The following PAPPA variants were observed in gnomAD, a reference collection of about 807,000 sequenced individuals.
PAPPA encodes pappalysin-1.
A neutral mutation model predicts 164.0 loss-of-function variants in PAPPA; 60 were observed. The observed-to-expected ratio is 0.37, with a 90% CI of 0.30 to 0.45. PAPPA has a LOEUF of 0.45. Among genes scored for constraint, PAPPA ranks in the 20% least tolerant of loss-of-function variants. The pLI, the probability that PAPPA is intolerant of heterozygous loss-of-function variation, is 1.00. For missense variants in PAPPA, 1,782 were observed against 2,087.3 expected, an observed-to-expected ratio of 0.85 and a Z score of 2.85; for synonymous variants, 875 against 814.1, an observed-to-expected ratio of 1.07 and a Z score of -1.27.
chr9:116,376,156 G>T (rs1481622040), intron 19 of PAPPA, among the ~76,000 whole-genome samples: 1 of 151,974 alleles, frequency 6.6e-6, no homozygotes, highest in African/African-American at 2.4e-5. Context: ...AAGTAGCTGG[G>T]ACTACAGGCA....
chr9:116,221,837 C>T, intron 5 of PAPPA, among the ~76,000 whole-genome samples: 1 of 152,208 alleles, frequency 6.6e-6, no homozygotes, highest in East Asian at 1.9e-4. Context: ...CACTTCAAGA[C>T]ACACAAATGG....
At chr9:116,381,502 A>G (rs1215465894) in intron 20 of PAPPA, among the ~76,000 whole-genome samples, 2 of 152,226 alleles carry the variant, frequency 1.3e-5, no homozygotes, top group Non-Finnish European at 2.9e-5. Flanking sequence ...GGGGAATCCA[A>G]GAGACTCCTG....
intron 13 of PAPPA, among the ~76,000 whole-genome samples, chr9:116,337,688 CCTCT>C (rs150843649): frequency 2.0e-5 from 3 of 150,454 alleles, no homozygotes; most frequent in Admixed American, 2.0e-4. Context: ...CTCTCCATCT[CCTCT>C]CTCTCTCTCT....
chr9:116,249,332 C>T (rs1296943282), intron 7 of PAPPA, among the ~76,000 whole-genome samples: 2 of 152,170 alleles, frequency 1.3e-5, no homozygotes, highest in Non-Finnish European at 2.9e-5. Context: ...AGACTGCTTG[C>T]TCAGGGTGGT....
At chr9:116,291,051 A>G (rs915342918) in intron 9 of PAPPA, among the ~76,000 whole-genome samples, 1 of 152,180 alleles carries the variant, frequency 6.6e-6, no homozygotes, top group Admixed American at 6.6e-5. Flanking sequence ...GAACTGGCTG[A>G]AAGTCATTTA....
intron 2 of PAPPA, among the ~76,000 whole-genome samples, chr9:116,204,818 C>T (rs552308329): frequency 6.6e-5 from 10 of 152,284 alleles, no homozygotes; most frequent in Admixed American, 5.9e-4. Context: ...CCTTCTCTCA[C>T]CTTCACTATC....
chr9:116,210,825 G>A (rs1459416169), intron 3 of PAPPA, among the ~76,000 whole-genome samples: 3 of 152,110 alleles, frequency 2.0e-5, no homozygotes, highest in African/African-American at 7.2e-5. Flanking sequence ...TTTCTACTAA[G>A]CTCTCAGGTG....
chr9:116,397,531 CCAAA>C lies in PAPPA; in HGVS notation c.*918_*921del, dbSNP rs1279012639. ...CTAGGTTAGGAAAAATTCCACACAACCAAACAGTCTGCCTTAAAAGTGACCCACA... is the reference window on the plus strand; with the variant it reads ...CTAGGTTAGGAAAAATTCCACACAACCAGTCTGCCTTAAAAGTGACCCACA... On this transcript the variant is annotated 3_prime_UTR_variant, in exon 22 of 22. Coordinates refer to ENST00000328252, the MANE Select transcript of PAPPA (RefSeq NM_002581.5). 2.0e-5 allele frequency: 3 copies of C among 152,630 alleles called. No individual in the cohort carries two copies. Among genetic ancestry groups the C allele is most frequent in the South Asian group, 2.1e-4 (1 of 4,822 alleles). The allele number at this position is 152,630 out of a possible 1,614,324, so 9.5% of individuals were successfully genotyped here. A position where few individuals can be genotyped will look rare whatever the true frequency, so the allele number is the denominator to read the frequency against.
intron 2 of PAPPA, among the ~76,000 whole-genome samples, chr9:116,204,361 G>T (rs1844206562): frequency 6.6e-6 from 1 of 152,154 alleles, no homozygotes; most frequent in African/African-American, 2.4e-5. Flanking sequence ...GTCCAACTCT[G>T]CGTGAGTCTG....
At chr9:116,189,978 G>A (rs1315169959) in intron 2 of PAPPA, among the ~76,000 whole-genome samples, 1 of 152,214 alleles carries the variant, frequency 6.6e-6, no homozygotes, top group African/African-American at 2.4e-5. Flanking sequence ...TCCAAGACAT[G>A]AGCAGCCCAT....
chr9:116,323,220 A>C lies in PAPPA; in HGVS notation c.3148-8024A>C, dbSNP rs4837997. ...AAGCAGTCTTCTGCAAAGGAGGGGG[A>C]TTTGGAGGCGGGTGCTGGATGTAGC... On this transcript the variant is annotated intron_variant, in intron 10 of 21. Coordinates refer to ENST00000328252, the MANE Select transcript of PAPPA (RefSeq NM_002581.5). Among the ~76,000 whole-genome samples the C allele has an allele frequency of 0.023, 3,424 of 152,112 alleles. 209 individuals carry two copies. The East Asian group carries it at 0.26, about 12-fold the overall frequency.
chr9:116,185,242 C>T (rs1408607300), intron 1 of PAPPA, among the ~76,000 whole-genome samples: 1 of 152,154 alleles, frequency 6.6e-6, no homozygotes, highest in Non-Finnish European at 1.5e-5. Flanking sequence ...CTAAGGTTGT[C>T]CTGATGGTAA....
At chr9:116,220,311 A>G (rs549034696) in intron 5 of PAPPA, among the ~76,000 whole-genome samples, 182 bp downstream of exon 5, 11 of 152,298 alleles carry the variant, frequency 7.2e-5, no homozygotes, top group Admixed American at 2.6e-4. Flanking sequence ...GGTCATTAAT[A>G]GAAACAAATA....
intron 4 of PAPPA, among the ~76,000 whole-genome samples, chr9:116,216,692 G>A (rs1304166606): frequency 6.6e-6 from 1 of 152,106 alleles, no homozygotes. Flanking sequence ...TTTGATAGCT[G>A]CTAAGTCTCC....
intron 21 of PAPPA, among the ~76,000 whole-genome samples, chr9:116,385,709 T>C (rs1846800987): frequency 6.6e-6 from 1 of 152,252 alleles, no homozygotes; most frequent in Non-Finnish European, 1.5e-5. Flanking sequence ...CTTCTTCCAC[T>C]TTAAATTCTT....
At chr9:116,252,528 T>A (rs1587972738) in intron 7 of PAPPA, among the ~76,000 whole-genome samples, 1 of 152,138 alleles carries the variant, frequency 6.6e-6, no homozygotes, top group Admixed American at 6.6e-5. Flanking sequence ...AGTAGCTGGG[T>A]CCAGAAAGAG....
At chr9:116,172,671 G>A (rs760630128) in intron 1 of PAPPA, among the ~76,000 whole-genome samples, 5 of 152,030 alleles carry the variant, frequency 3.3e-5, no homozygotes, top group Non-Finnish European at 7.4e-5. Context: ...CAGTGTTCTT[G>A]GCCTCCTCCT....
chr9:116,375,226 A>T (rs1287472940), intron 19 of PAPPA, among the ~76,000 whole-genome samples: 1 of 152,228 alleles, frequency 6.6e-6, no homozygotes, highest in African/African-American at 2.4e-5. Context: ...ATATCCCATG[A>T]CTTTTCCCAT....
chr9:116,390,680 A>G (rs1846878393), intron 21 of PAPPA, among the ~76,000 whole-genome samples: 1 of 139,378 alleles, frequency 7.2e-6, no homozygotes, highest in South Asian at 2.2e-4. Context: ...GAATGTTATT[A>G]AACCCTCTGC....
Sources: allele counts gnomAD v4.1 joint callset (sites outside exome capture counted in the v4.1 genomes callset), GRCh38; gene constraint gnomAD v4.1.1; transcripts MANE v1.5; gene names NCBI Gene and HGNC (gene_info 2026-07-23, HGNC 2026-07-21).